Variants in ATP10B observed in about 807,000 individuals in gnomAD.
ATP10B encodes phospholipid-transporting ATPase VB.
Under a neutral mutation model 141.2 loss-of-function variants are expected in ATP10B, and 122 were observed. That is an observed-to-expected ratio of 0.86 (90% CI 0.75 to 1.00). The LOEUF (loss-of-function observed/expected upper bound fraction) is 1.00, where lower values mean the gene tolerates loss of function less well. Among genes scored for constraint, ATP10B ranks in the 50% least tolerant of loss-of-function variants. The pLI is 0.00. For synonymous variants in ATP10B, 685 were observed against 692.0 expected, an observed-to-expected ratio of 0.99 and a Z score of 0.16; for missense variants, 1,876 against 1,825.3, an observed-to-expected ratio of 1.03 and a Z score of -0.51.
At chr5:160,817,699 T>C (rs1773756382) in intron 1 of ATP10B, among the ~76,000 whole-genome samples, 1 of 152,206 alleles carries the variant, frequency 6.6e-6, no homozygotes, top group Non-Finnish European at 1.5e-5. Context: ...AAGTCAATCC[T>C]AAGCCAAAAG....
At position 160,785,745 on chromosome 5, in the gene ATP10B, T is replaced by G; in HGVS notation, c.-517A>C. The G allele has an allele frequency of 8.3e-7, 1 of 1,210,498 alleles. No individual in the cohort carries two copies. Among genetic ancestry groups the G allele is most frequent in the South Asian group, 1.4e-5 (1 of 71,394 alleles). The allele number at this position is 1,210,498 out of a possible 1,614,324, so 75.0% of individuals were successfully genotyped here. The stretch of plus-strand genomic sequence containing the variant: ...AGGAAAAACTACTTACTCTTCACAC[T>G]GTTGCTTTCATTGAAACAAATGTCA... On this transcript the variant is annotated 5_prime_UTR_variant, in exon 2 of 26. Coordinates refer to ENST00000327245, the MANE Select transcript of ATP10B (RefSeq NM_025153.3).
chr5:160,768,649 A>G (rs950925891), intron 2 of ATP10B, among the ~76,000 whole-genome samples: 7 of 152,244 alleles, frequency 4.6e-5, no homozygotes, highest in Non-Finnish European at 8.8e-5. Context: ...AGAAATAAGT[A>G]GGAAACAACA....
chr5:160,657,501 A>G (rs879317182), intron 7 of ATP10B, among the ~76,000 whole-genome samples: 2 of 152,196 alleles, frequency 1.3e-5, no homozygotes, highest in Admixed American at 1.3e-4. Flanking sequence ...AAAAGCAGGC[A>G]GATTGGGCTG....
intron 9 of ATP10B, among the ~76,000 whole-genome samples, 196 bp from the exon 10 acceptor site, chr5:160,640,788 AT>A (rs994774899): frequency 6.6e-6 from 1 of 152,210 alleles, no homozygotes; most frequent in African/African-American, 2.4e-5. Flanking sequence ...CTCAGTGAGC[AT>A]CCCCTTCATG....
At chr5:160,848,782 GT>G (rs1463759495) in intron 1 of ATP10B, among the ~76,000 whole-genome samples, 1 of 152,196 alleles carries the variant, frequency 6.6e-6, no homozygotes, top group Non-Finnish European at 1.5e-5. Context: ...TGGAAAGAGA[GT>G]TGAGAGGGAA....
chr5:160,829,944 T>A (rs903213248), intron 1 of ATP10B, among the ~76,000 whole-genome samples: 1 of 152,124 alleles, frequency 6.6e-6, no homozygotes, highest in Non-Finnish European at 1.5e-5. Flanking sequence ...TGCCTTTTAT[T>A]TCTTTCTCTT....
intron 1 of ATP10B, among the ~76,000 whole-genome samples, chr5:160,799,117 C>G (rs1181475749): frequency 1.6e-5 from 2 of 121,378 alleles, no homozygotes; most frequent in African/African-American, 6.2e-5. Flanking sequence ...GTATCAAAAG[C>G]TGATTTTTTT....
At chr5:160,876,396 G>A in the ATP10B span, among the ~76,000 whole-genome samples, 1 of 149,826 alleles carries the variant, frequency 6.7e-6, no homozygotes, top group African/African-American at 2.4e-5. Flanking sequence ...GTGTGTAGAG[G>A]GAAATTTATA....
At chr5:160,597,757 A>C (rs955945935) in intron 22 of ATP10B, among the ~76,000 whole-genome samples, 1 of 152,232 alleles carries the variant, frequency 6.6e-6, no homozygotes, top group East Asian at 1.9e-4. Flanking sequence ...ATACTTCTCA[A>C]AAGAAGACAT....
At chr5:160,692,183 A>G (rs894514926) in intron 3 of ATP10B, among the ~76,000 whole-genome samples, 2 of 151,794 alleles carry the variant, frequency 1.3e-5, no homozygotes, top group African/African-American at 4.8e-5. Flanking sequence ...TTTTTTAACC[A>G]TGTAAGATGA....
In ATP10B at chr5:160,618,101, T is replaced by A. The variant is rs532058406; in HGVS notation, c.2417-128A>T. On this transcript the variant is annotated intron_variant, in intron 15 of 25. Coordinates refer to ENST00000327245, the MANE Select transcript of ATP10B (RefSeq NM_025153.3). ...AGAAGGAATCCCTTACAGCCCACCT[T>A]AGAAACCTGAAGGAGCTCTCCTGGC... The A allele has an allele frequency of 8.1e-5, 61 of 753,646 alleles. No homozygotes were observed. The South Asian group carries it at 9.6e-4, about 12-fold the overall frequency. The allele number at this position is 753,646 out of a possible 1,614,324, so 46.7% of individuals were successfully genotyped here.
At chr5:160,905,720 A>C in the ATP10B span, among the ~76,000 whole-genome samples, 14 of 112,764 alleles carry the variant, frequency 1.2e-4, no homozygotes, top group African/African-American at 4.8e-4. Context: ...GATTGCTATT[A>C]TAATGTGTTA....
At chr5:160,598,653 G>A in intron 22 of ATP10B, 117 bp downstream of exon 22, 1 of 870,360 alleles carries the variant, frequency 1.1e-6, no homozygotes, top group Admixed American at 2.3e-5. Flanking sequence ...ATGGAACAGT[G>A]GTCAGAATGC....
intron 7 of ATP10B, among the ~76,000 whole-genome samples, chr5:160,660,789 C>T (rs1484763989): frequency 6.6e-6 from 1 of 152,146 alleles, no homozygotes; most frequent in Non-Finnish European, 1.5e-5. Context: ...AAATCTAACC[C>T]CAGTCCGACT....
intron 8 of ATP10B, among the ~76,000 whole-genome samples, chr5:160,647,060 T>G (rs1760334965): frequency 6.6e-6 from 1 of 152,212 alleles, no homozygotes; most frequent in Admixed American, 6.5e-5. Flanking sequence ...GTTTTGTTGT[T>G]GGTGGTGATT....
At position 160,620,760 on chromosome 5, in the gene ATP10B, AC is replaced by A; in HGVS notation, c.2002del (p.Val668CysfsTer71). The A allele has an allele frequency of 6.2e-7, 1 of 1,614,188 alleles. No homozygotes were observed. Among genetic ancestry groups the A allele is most frequent in the Non-Finnish European group, 8.5e-7 (1 of 1,180,026 alleles). ...TDSDERDDAS[V>X]CSGGDSTDDG... is the part of the protein sequence containing the mutation. ...ATCAGTGGAGTCACCTCCACTGCAC[AC>A]AGATGCATCATCTCTCTCATCCGAG... On this transcript the variant is annotated frameshift_variant, in exon 15 of 26. Coordinates refer to ENST00000327245, the MANE Select transcript of ATP10B (RefSeq NM_025153.3). LOFTEE classifies it high-confidence loss of function.
intron 1 of ATP10B, among the ~76,000 whole-genome samples, chr5:160,844,707 T>C (rs1314522314): frequency 6.6e-6 from 1 of 152,004 alleles, no homozygotes; most frequent in Non-Finnish European, 1.5e-5. Context: ...CAACATGTCC[T>C]GATAATTTTT....
intron 2 of ATP10B, among the ~76,000 whole-genome samples, chr5:160,725,662 G>A (rs1766295219): frequency 6.6e-6 from 1 of 152,138 alleles, no homozygotes; most frequent in Non-Finnish European, 1.5e-5. Flanking sequence ...AGCCAGGATG[G>A]TCTCGATCTC....
the ATP10B span, among the ~76,000 whole-genome samples, chr5:160,879,471 G>A: frequency 7.0e-6 from 1 of 142,290 alleles, no homozygotes; most frequent in African/African-American, 2.6e-5. Flanking sequence ...CACCAGCATG[G>A]CACATGTATA....
Sources: allele counts gnomAD v4.1 joint callset (sites outside exome capture counted in the v4.1 genomes callset), GRCh38; gene constraint gnomAD v4.1.1; transcripts MANE v1.5; gene names NCBI Gene and HGNC (gene_info 2026-07-23, HGNC 2026-07-21).